ZYG11B: variants seen among roughly 807,000 people sequenced by gnomAD.
ZYG11B encodes the protein protein zyg-11 homolog B.
Under a neutral mutation model 82.4 loss-of-function variants are expected in ZYG11B, and 36 were observed. The observed-to-expected ratio is 0.44, with a 90% confidence interval of 0.33 to 0.58. ZYG11B has a LOEUF of 0.58. Ranked by LOEUF, ZYG11B falls within the 20% of genes least tolerant of loss-of-function variation. The pLI is 0.02. For missense variants in ZYG11B, 552 were observed against 895.6 expected (o/e 0.62, Z 4.90); for synonymous variants, 303 against 312.8 (o/e 0.97, Z 0.33).
rs1645317117 is a variant in ZYG11B, at chr1:52,825,488, C to G, written c.*3859C>G. Reference sequence around the variant, plus strand: ...CACATGGTTGAGGTGAATAAAGCTGCATGGGAATTTGCTTTCGTGATATAT... The same window carrying G: ...CACATGGTTGAGGTGAATAAAGCTGGATGGGAATTTGCTTTCGTGATATAT... On this transcript the variant is annotated 3_prime_UTR_variant, in exon 14 of 14. Coordinates refer to ENST00000294353, the MANE Select transcript of ZYG11B (RefSeq NM_024646.3). 1 of 152,000 alleles carries G rather than the reference C, an allele frequency of 6.6e-6. No individual in the cohort carries two copies. Among genetic ancestry groups the G allele is most frequent in the Non-Finnish European group, 1.5e-5 (1 of 68,002 alleles). The allele number at this position is 152,000 out of a possible 1,614,324, so 9.4% of individuals were successfully genotyped here. A position where few individuals can be genotyped will look rare whatever the true frequency, so the allele number is the denominator to read the frequency against.
intron 13 of ZYG11B, 83 bp from the exon 14 acceptor site, chr1:52,821,356 G>C (rs1645281644): frequency 5.6e-6 from 8 of 1,430,312 alleles, no homozygotes; most frequent in Non-Finnish European, 7.4e-6. Flanking sequence ...GCTCCTAGAA[G>C]TCATTTTTTT....
At chr1:52,744,179 T>G (rs1644458140) in intron 1 of ZYG11B, among the ~76,000 whole-genome samples, 1 of 152,132 alleles carries the variant, frequency 6.6e-6, no homozygotes, top group Non-Finnish European at 1.5e-5. Context: ...TTAAGTGATC[T>G]GCCCACCTCA....
chr1:52,740,474 C>T (rs1330216347), intron 1 of ZYG11B, among the ~76,000 whole-genome samples: 1 of 152,034 alleles, frequency 6.6e-6, no homozygotes, highest in Non-Finnish European at 1.5e-5. Context: ...AAAAACAATT[C>T]CCCATAGTTT....
chr1:52,777,900 TA>T (rs1644822831), intron 3 of ZYG11B, among the ~76,000 whole-genome samples: 1 of 152,212 alleles, frequency 6.6e-6, no homozygotes, highest in Middle Eastern at 3.2e-3. Flanking sequence ...TGGCATTTTT[TA>T]AAACTTTATT....
At chr1:52,783,882 A>ATGTACATACACGTGTCTGTG (rs74208826) in intron 4 of ZYG11B, among the ~76,000 whole-genome samples, 1 of 126,012 alleles carries the variant, frequency 7.9e-6, no homozygotes, top group Non-Finnish European at 1.6e-5. Context: ...ACGTGTGTGT[A>ATGTACATACACGTGTCTGTG]TATGTACATA....
intron 4 of ZYG11B, among the ~76,000 whole-genome samples, chr1:52,783,850 A>ATGTGTG (rs1644881201): frequency 7.0e-6 from 1 of 142,924 alleles, no homozygotes; most frequent in African/African-American, 2.9e-5. Context: ...ATGTACATAC[A>ATGTGTG]CGTGTGTGTG....
intron 2 of ZYG11B, among the ~76,000 whole-genome samples, chr1:52,758,211 A>G (rs944196404): frequency 6.6e-6 from 1 of 151,936 alleles, no homozygotes; most frequent in African/African-American, 2.4e-5. Context: ...AAAAAAAAAA[A>G]AAAAAAAGAT....
Position 52,801,938 on chromosome 1 carries a change from T to C in ZYG11B, c.1605T>C (p.Phe535=). Residue 535 remains phenylalanine (F), a synonymous_variant, in exon 9 of 14, where the codon TTT becomes TTC. Coordinates refer to ENST00000294353, the MANE Select transcript of ZYG11B (RefSeq NM_024646.3). ...AATCTCCAACCACTTGTAGACACTT[T>C]ATTGAAAACCAAGGGTTAGAACTCT... ...TDESPTTCRH[F]IENQGLELFM... 4 of 1,612,052 alleles carry C rather than the reference T, an allele frequency of 2.5e-6. No individual in the cohort carries two copies. The highest frequency in any genetic ancestry group is 3.4e-6 in the Non-Finnish European group (4 of 1,179,476).
At chr1:52,783,840 A>ATGTACATACACGTGTGTGTG (rs1558132604) in intron 4 of ZYG11B, among the ~76,000 whole-genome samples, 3 of 146,572 alleles carry the variant, frequency 2.0e-5, no homozygotes, top group Non-Finnish European at 3.0e-5. Context: ...ACGTGTGTAT[A>ATGTACATACACGTGTGTGTG]TGTACATACA....
At chr1:52,790,167 A>G (rs967937759) in intron 6 of ZYG11B, 100 bp downstream of exon 6, 1 of 741,928 alleles carries the variant, frequency 1.3e-6, no homozygotes, top group African/African-American at 1.8e-5. Flanking sequence ...TTATAAGATT[A>G]ATTGAATAGA....
intron 6 of ZYG11B, 107 bp from the exon 7 acceptor site, chr1:52,796,185 C>T (rs1645004935): frequency 1.4e-6 from 1 of 725,478 alleles, no homozygotes; most frequent in Non-Finnish European, 2.4e-6. Context: ...AGGAATTTTC[C>T]CTTGCCTTTT....
intron 13 of ZYG11B, among the ~76,000 whole-genome samples, chr1:52,818,795 T>G (rs1223345714): frequency 7.4e-6 from 1 of 134,710 alleles, no homozygotes; most frequent in Non-Finnish European, 1.6e-5. Flanking sequence ...TTCGCTTGGG[T>G]TTTTTTTTTT....
intron 10 of ZYG11B, among the ~76,000 whole-genome samples, chr1:52,803,014 C>T (rs1162618532): frequency 7.9e-5 from 11 of 139,942 alleles, no homozygotes; most frequent in South Asian, 2.3e-4. Context: ...AGCAAGACTC[C>T]GTCTCAAAAA....
chr1:52,799,243 T>C (rs1298361041), intron 8 of ZYG11B, among the ~76,000 whole-genome samples: 1 of 151,904 alleles, frequency 6.6e-6, no homozygotes, highest in Non-Finnish European at 1.5e-5. Flanking sequence ...ATGCCAGCAA[T>C]CTGGGAGGCC....
At chr1:52,747,400 T>TA (rs1387362937) in intron 1 of ZYG11B, among the ~76,000 whole-genome samples, 1 of 152,102 alleles carries the variant, frequency 6.6e-6, no homozygotes, top group Non-Finnish European at 1.5e-5. Context: ...TCCCAAGTTG[T>TA]ATTTTGGCAT....
chr1:52,818,810 T>C (rs77634862), intron 13 of ZYG11B, among the ~76,000 whole-genome samples: 1 of 151,224 alleles, frequency 6.6e-6, no homozygotes, highest in African/African-American at 2.4e-5. Context: ...TTTTTTTTTT[T>C]GGAGACGGAG....
At chr1:52,816,424 AAATAT>A (rs1180002071) in intron 12 of ZYG11B, 103 bp from the exon 13 acceptor site, 3 of 727,884 alleles carry the variant, frequency 4.1e-6, no homozygotes, top group East Asian at 2.6e-5. Flanking sequence ...ATATTAGTCT[AAATAT>A]AATAGGATAA....
intron 1 of ZYG11B, among the ~76,000 whole-genome samples, chr1:52,727,557 A>G (rs1000101320): frequency 6.6e-6 from 1 of 152,150 alleles, no homozygotes; most frequent in Non-Finnish European, 1.5e-5. Flanking sequence ...GTTTAAAAAT[A>G]CTTATTTACA....
At chr1:52,773,879 G>A (rs1212121723) in intron 3 of ZYG11B, among the ~76,000 whole-genome samples, 1 of 151,218 alleles carries the variant, frequency 6.6e-6, no homozygotes, top group Non-Finnish European at 1.5e-5. Context: ...CTGAGCTCAG[G>A]CAGTTCGCCT....
Sources: gnomAD v4.1 joint callset for allele counts (sites outside exome capture counted in the v4.1 genomes callset) on GRCh38, gnomAD v4.1.1 for gene constraint, MANE v1.5 for transcripts, NCBI Gene and HGNC (gene_info 2026-07-23, HGNC 2026-07-21) for gene names.